The following BIN1 variants were observed in gnomAD, a reference collection of about 807,000 sequenced individuals.
BIN1 encodes the protein myc box-dependent-interacting protein 1.
A neutral mutation model predicts 82.0 loss-of-function variants in BIN1; 53 were observed. That is an observed-to-expected ratio of 0.65 (90% CI 0.52 to 0.81). BIN1 has a LOEUF of 0.81. Among genes scored for constraint, BIN1 ranks in the 40% least tolerant of loss-of-function variants. The pLI, the probability that BIN1 is intolerant of heterozygous loss-of-function variation, is 0.00. For synonymous variants in BIN1, 302 were observed against 328.0 expected (o/e 0.92, Z 0.86); for missense variants, 642 against 784.4 (o/e 0.82, Z 2.17).
intron 12 of BIN1, chr2:127,055,305 A>C (rs1301801110): frequency 6.6e-6 from 1 of 152,338 alleles, no homozygotes; most frequent in African/African-American, 2.4e-5. Context: ...AAGAGGACCC[A>C]GCTGTCCTGC....
intron 1 of BIN1, among the ~76,000 whole-genome samples, chr2:127,077,004 G>T (rs17014893): frequency 1.3e-5 from 2 of 151,988 alleles, no homozygotes. Flanking sequence ...AAGAAGGATC[G>T]GGCACCCTCC....
chr2:127,065,994 G>A (rs75247994), intron 7 of BIN1, among the ~76,000 whole-genome samples: 3,170 of 152,278 alleles, frequency 0.021, 57 homozygotes, highest in Non-Finnish European at 0.028. Flanking sequence ...ACATGGGCCC[G>A]GGGTCCCGAG....
intron 1 of BIN1, among the ~76,000 whole-genome samples, chr2:127,078,585 G>A (rs766825419): frequency 1.9e-4 from 29 of 152,320 alleles, no homozygotes; most frequent in African/African-American, 2.6e-4. Context: ...CGATGATGTT[G>A]TGCTACAGCG....
chr2:127,061,392 TAC>T (rs1684469804), intron 10 of BIN1, among the ~76,000 whole-genome samples: 1 of 152,200 alleles, frequency 6.6e-6, no homozygotes, highest in Non-Finnish European at 1.5e-5. Context: ...CGCCCTGTTT[TAC>T]AGAGTCCATC....
In BIN1 at chr2:127,102,360, G is replaced by A. The variant is rs569259088; in HGVS notation, c.84+4500C>T. ...ATGTGGTGATCTTGAAGAGGGCGCA[G>A]AGAGTTCAAGCCTCAGCTTCTCCAA... On this transcript the variant is annotated intron_variant, in intron 1 of 18. Coordinates refer to ENST00000316724, the MANE Select transcript of BIN1 (RefSeq NM_139343.3). Among the ~76,000 whole-genome samples the A allele has an allele frequency of 4.9e-4, 74 of 152,322 alleles. 2 individuals carry two copies. The South Asian group carries it at 0.014, about 29-fold the overall frequency.
At chr2:127,066,936 C>T (rs1685213705) in intron 7 of BIN1, among the ~76,000 whole-genome samples, 1 of 151,952 alleles carries the variant, frequency 6.6e-6, no homozygotes, top group Non-Finnish European at 1.5e-5. Context: ...CCAGGCACGG[C>T]AATGCGTGCC....
intron 1 of BIN1, among the ~76,000 whole-genome samples, chr2:127,081,399 G>A (rs1441991989): frequency 6.6e-6 from 1 of 152,222 alleles, no homozygotes; most frequent in South Asian, 2.1e-4. Context: ...AGTGAGGAGG[G>A]CCGGGTCTTC....
intron 1 of BIN1, among the ~76,000 whole-genome samples, chr2:127,096,142 G>A (rs940769580): frequency 4.0e-5 from 6 of 151,116 alleles, no homozygotes; most frequent in East Asian, 2.0e-4. Flanking sequence ...CTCCAGCCTC[G>A]GCCCCACCTG....
Position 127,068,054 on chromosome 2 carries a change from C to CCTG in BIN1, c.612+106_612+108dup. 8.5e-7 allele frequency: 1 copy of CCTG among 1,171,112 alleles called. No homozygotes were observed. Among genetic ancestry groups the CCTG allele is most frequent in the African/African-American group, 1.5e-5 (1 of 65,594 alleles). 72.5% of individuals were successfully genotyped at this position (1,171,112 alleles called of 1,614,324 possible). On this transcript the variant is annotated intron_variant, in intron 7 of 18. Coordinates refer to ENST00000316724, the MANE Select transcript of BIN1 (RefSeq NM_139343.3). This position sits in a 1 kb window ranked among gnomAD's most constrained non-coding sequence, Gnocchi z 4.9. ...CTCCCAGCAGAGGCCTTTGAAAAAC[C>CCTG]CTGCCCCAGCTGGGCTCAGATGCCA...
At chr2:127,066,615 C>T (rs533932798) in intron 7 of BIN1, among the ~76,000 whole-genome samples, 2 of 152,334 alleles carry the variant, frequency 1.3e-5, no homozygotes, top group Admixed American at 1.3e-4. Context: ...CCTCTACCTC[C>T]AGAGGCAGAT....
chr2:127,089,993 C>A (rs921912501), intron 1 of BIN1, among the ~76,000 whole-genome samples: 50 of 147,542 alleles, frequency 3.4e-4, no homozygotes, highest in African/African-American at 1.2e-3. Flanking sequence ...ACTCCCCCAA[C>A]CCCCAGCTCA....
chr2:127,083,402 G>A (rs192163502), intron 1 of BIN1, among the ~76,000 whole-genome samples: 24 of 152,218 alleles, frequency 1.6e-4, no homozygotes, highest in South Asian at 6.2e-4. Flanking sequence ...TATATAAACC[G>A]TTCCTGCATT....
At chr2:127,064,976 G>A (rs1684963638) in intron 7 of BIN1, 2 of 152,292 alleles carry the variant, frequency 1.3e-5, no homozygotes, top group Non-Finnish European at 2.9e-5. Context: ...GTCAGGCCCC[G>A]CCTAGGGAAA....
At chr2:127,084,187 A>C (rs1484713736) in intron 1 of BIN1, among the ~76,000 whole-genome samples, 1 of 152,174 alleles carries the variant, frequency 6.6e-6, no homozygotes, top group Non-Finnish European at 1.5e-5. Flanking sequence ...TCCCTTTAAC[A>C]AGTCCCCCTG....
At chr2:127,062,065 G>T in intron 10 of BIN1, 50 bp downstream of exon 10, 1 of 1,552,730 alleles carries the variant, frequency 6.4e-7, no homozygotes. Flanking sequence ...AAGGAGCCCT[G>T]CCCCTGCCGT....
rs1042057995 is a variant in BIN1, at chr2:127,057,736, G to A, written c.1003-135C>T. 1.5e-5 allele frequency: 17 copies of A among 1,155,770 alleles called. No homozygotes were observed. The highest frequency in any genetic ancestry group is 8.7e-5 in the East Asian group (3 of 34,358). 71.6% of individuals were successfully genotyped at this position (1,155,770 alleles called of 1,614,324 possible). A position where few individuals can be genotyped will look rare whatever the true frequency, so the allele number is the denominator to read the frequency against. On this transcript the variant is annotated intron_variant, in intron 11 of 18. Transcript: ENST00000316724. This position sits in a 1 kb window ranked among gnomAD's most constrained non-coding sequence, Gnocchi z 5.0. Reference sequence around the variant, plus strand: ...TCCCACCCAGGCCACTGAGCAGGACGCAGCAAATGAAGAGTCACTGCCCTC... The same window carrying A: ...TCCCACCCAGGCCACTGAGCAGGACACAGCAAATGAAGAGTCACTGCCCTC...
In BIN1 at chr2:127,069,483, C is replaced by T. The variant is rs183172463; in HGVS notation, c.412-452G>A. Among the ~76,000 whole-genome samples, 378 of 152,326 alleles carry T rather than the reference C, an allele frequency of 2.5e-3. 2 individuals are homozygous for T. Among genetic ancestry groups the T allele is most frequent in the African/African-American group, 8.7e-3 (363 of 41,568 alleles). On this transcript the variant is annotated intron_variant, in intron 5 of 18. Coordinates refer to ENST00000316724, the MANE Select transcript of BIN1 (RefSeq NM_139343.3). ...GTGCACGTTACCGGGGACCACTCGC[C>T]TCGGTGGATACCAGAGACACTGCCA...
At chr2:127,086,767 A>C (rs1678224390) in intron 1 of BIN1, among the ~76,000 whole-genome samples, 1 of 151,688 alleles carries the variant, frequency 6.6e-6, no homozygotes, top group South Asian at 2.1e-4. Flanking sequence ...CGACCTCCCA[A>C]AGTGCTAGGA....
At chr2:127,097,258 C>T (rs1348179977) in intron 1 of BIN1, among the ~76,000 whole-genome samples, 1 of 152,204 alleles carries the variant, frequency 6.6e-6, no homozygotes, top group African/African-American at 2.4e-5. Flanking sequence ...ACTGATAGAC[C>T]TCCCAGCCGC....
Sources: gnomAD v4.1 joint callset for allele counts (sites outside exome capture counted in the v4.1 genomes callset) on GRCh38, gnomAD v4.1.1 for gene constraint, Gnocchi (gnomAD v3.1) non-coding constraint, MANE v1.5 for transcripts, NCBI Gene and HGNC (gene_info 2026-07-23, HGNC 2026-07-21) for gene names.